CDCA7L: variants seen among roughly 807,000 people sequenced by gnomAD.
CDCA7L encodes the protein cell division cycle associated 7 like, also known as cell division cycle-associated 7-like protein.
In CDCA7L, 44 loss-of-function variants were observed where a neutral mutation model predicts 57.4. The ratio of observed to expected loss-of-function variants is 0.77; its 90% CI spans 0.60 to 0.98. The LOEUF (loss-of-function observed/expected upper bound fraction) is 0.98, where lower values mean the gene tolerates loss of function less well. CDCA7L is among the 50% of genes least tolerant of loss of function. The pLI, the probability that CDCA7L is intolerant of heterozygous loss-of-function variation, is 0.00. For synonymous variants in CDCA7L, 236 were observed against 202.8 expected, an observed-to-expected ratio of 1.16 and a Z score of -1.39; for missense variants, 644 against 580.6, an observed-to-expected ratio of 1.11 and a Z score of -1.12.
At position 21,916,850 on chromosome 7, in the gene CDCA7L, A is replaced by G. The variant is rs1785499111; in HGVS notation, c.69T>C (p.Asp23=). Residue 23 remains aspartate, a synonymous_variant, in exon 2 of 10, where the codon GAT becomes GAC. Coordinates refer to ENST00000406877, the MANE Select transcript of CDCA7L (RefSeq NM_018719.5). ...CATCTCGGAAGCCAACAAACTCTTCATCATCACTGGGGGCGTTAAAGATGT... is the reference window on the plus strand; with the variant it reads ...CATCTCGGAAGCCAACAAACTCTTCGTCATCACTGGGGGCGTTAAAGATGT... The part of the protein sequence containing the change: ...VADIFNAPSD[D]EEFVGFRDDV... 6.2e-7 allele frequency: 1 copy of G among 1,614,050 alleles called. No homozygotes were observed. Among genetic ancestry groups the G allele is most frequent in the African/African-American group, 1.3e-5 (1 of 75,020 alleles).
chr7:21,915,960 C>G (rs1375339665), intron 2 of CDCA7L, among the ~76,000 whole-genome samples: 1 of 152,078 alleles, frequency 6.6e-6, no homozygotes, highest in African/African-American at 2.4e-5. Flanking sequence ...ACGACAGAGA[C>G]CAGGGAGCCT....
At chr7:21,941,065 A>C (rs1027684433) in intron 1 of CDCA7L, among the ~76,000 whole-genome samples, 1 of 152,224 alleles carries the variant, frequency 6.6e-6, no homozygotes, top group African/African-American at 2.4e-5. Context: ...AATGTGTCAG[A>C]GGCTCCTAAC....
At chr7:21,945,536 G>C (rs902674573) in intron 1 of CDCA7L, among the ~76,000 whole-genome samples, 1 of 152,210 alleles carries the variant, frequency 6.6e-6, no homozygotes, top group East Asian at 1.9e-4. Flanking sequence ...AGACTGAGCA[G>C]AGCGCCAGGC....
chr7:21,924,200 T>C (rs1422360046), intron 1 of CDCA7L, among the ~76,000 whole-genome samples: 1 of 150,684 alleles, frequency 6.6e-6, no homozygotes, highest in African/African-American at 2.4e-5. Context: ...TTTATCAGTA[T>C]TAGTTTTTGA....
intron 2 of CDCA7L, among the ~76,000 whole-genome samples, chr7:21,912,316 G>A (rs117126208): frequency 6.2e-4 from 94 of 152,182 alleles, no homozygotes; most frequent in Non-Finnish European, 1.1e-3. Flanking sequence ...ATACGTACAC[G>A]TATATATTAC....
chr7:21,931,273 T>A (rs1322303147), intron 1 of CDCA7L, among the ~76,000 whole-genome samples: 2 of 152,116 alleles, frequency 1.3e-5, no homozygotes, highest in African/African-American at 4.8e-5. Flanking sequence ...CCTAACTCAT[T>A]TTATGAGACC....
In CDCA7L at chr7:21,915,635, TA is replaced by T. The variant is rs35601553; in HGVS notation, c.165+1118del. Among the ~76,000 whole-genome samples the T allele has an allele frequency of 1.8e-3, 155 of 88,306 alleles. 1 individual carries two copies. The highest frequency in any genetic ancestry group is 7.0e-3 in the Middle Eastern group (1 of 142). The allele number at this position is 88,306 out of a possible 152,430, so 57.9% of individuals were successfully genotyped here. A position where few individuals can be genotyped will look rare whatever the true frequency, so the allele number is the denominator to read the frequency against. On this transcript the variant is annotated intron_variant, in intron 2 of 9. Coordinates refer to ENST00000406877, the MANE Select transcript of CDCA7L (RefSeq NM_018719.5). Reference sequence around the variant, plus strand: ...CAATATGGCAAAACCCCATCACTACTAAAAAAAAAAAAAAAAAAAAAAAACA... The same window carrying T: ...CAATATGGCAAAACCCCATCACTACTAAAAAAAAAAAAAAAAAAAAAAACA...
chr7:21,907,258 G>T lies in CDCA7L; in HGVS notation c.682-619C>A, dbSNP rs144884308. Among the ~76,000 whole-genome samples, 5 of 152,286 alleles carry T rather than the reference G, an allele frequency of 3.3e-5. No homozygotes were observed. In the East Asian group the frequency reaches 9.6e-4, roughly 29 times the overall value. On this transcript the variant is annotated intron_variant, in intron 4 of 9. Transcript: ENST00000406877. ...AAAGAAAATAGCTTATTTTAAAGAT[G>T]CAGATGGATACAGTGCTGAAAATTT...
chr7:21,927,996 C>G lies in CDCA7L; in HGVS notation c.25-11102G>C, dbSNP rs149735983. Among the ~76,000 whole-genome samples, 63 of 152,282 alleles carry G rather than the reference C, an allele frequency of 4.1e-4. 2 individuals are homozygous for G. In the East Asian group the frequency reaches 0.012, roughly 29 times the overall value. On this transcript the variant is annotated intron_variant, in intron 1 of 9. Coordinates refer to ENST00000406877, the MANE Select transcript of CDCA7L (RefSeq NM_018719.5). Reference sequence around the variant, plus strand: ...ACAGACTTGCCTTCTCAAGTGGGTCCCTGACTCCATGCCTCCTGACTGGGA... The same window carrying G: ...ACAGACTTGCCTTCTCAAGTGGGTCGCTGACTCCATGCCTCCTGACTGGGA...
intron 1 of CDCA7L, among the ~76,000 whole-genome samples, chr7:21,930,147 C>G (rs948797623): frequency 6.6e-6 from 1 of 152,116 alleles, no homozygotes; most frequent in African/African-American, 2.4e-5. Context: ...CAAATTGGAA[C>G]TCAGGATGAA....
intron 1 of CDCA7L, among the ~76,000 whole-genome samples, chr7:21,935,735 G>T (rs774172085): frequency 1.3e-5 from 2 of 152,172 alleles, no homozygotes; most frequent in Non-Finnish European, 2.9e-5. Context: ...CTGGCCAGGC[G>T]CTGTGGCTCA....
In CDCA7L at chr7:21,919,909, T is replaced by C. The variant is rs117511654; in HGVS notation, c.25-3015A>G. Reference sequence around the variant, plus strand: ...TTTCCTTCAGCTAACCAGATGATCATTGTACATGGTTATGCAAAAATGTTT... The same window carrying C: ...TTTCCTTCAGCTAACCAGATGATCACTGTACATGGTTATGCAAAAATGTTT... On this transcript the variant is annotated intron_variant, in intron 1 of 9. Coordinates refer to ENST00000406877, the MANE Select transcript of CDCA7L (RefSeq NM_018719.5). Among the ~76,000 whole-genome samples the C allele has an allele frequency of 1.3e-3, 193 of 152,340 alleles. No homozygotes were observed. The East Asian group carries it at 0.031, about 24-fold the overall frequency.
chr7:21,924,580 C>G (rs1395882167), intron 1 of CDCA7L, among the ~76,000 whole-genome samples: 2 of 152,126 alleles, frequency 1.3e-5, no homozygotes, highest in Non-Finnish European at 2.9e-5. Flanking sequence ...AAAGTACATA[C>G]CATGCACCAA....
Position 21,902,014 on chromosome 7 carries a change from C to CTAACTT in CDCA7L, c.*302_*307dup. On this transcript the variant is annotated 3_prime_UTR_variant, in exon 10 of 10. Transcript: ENST00000406877. ...GAGCTGATCATACAATGTTTTCTCT[C>CTAACTT]TAACTTACTTACCTGAACTTTAACC... The CTAACTT allele has an allele frequency of 2.6e-6, 1 of 377,746 alleles. No homozygotes were observed. Among genetic ancestry groups the CTAACTT allele is most frequent in the Non-Finnish European group, 4.9e-6 (1 of 204,032 alleles). 23.4% of individuals were successfully genotyped at this position (377,746 alleles called of 1,614,324 possible).
intron 1 of CDCA7L, among the ~76,000 whole-genome samples, chr7:21,936,076 G>A (rs966251940): frequency 1.3e-5 from 2 of 152,038 alleles, no homozygotes; most frequent in Admixed American, 1.3e-4. Context: ...CAACAAATTG[G>A]ATTATCTAGA....
chr7:21,902,321 C>CTTAA lies in CDCA7L; in HGVS notation c.1362_1365dup, dbSNP rs758313825. On this transcript the variant is annotated 3_prime_UTR_variant, in exon 10 of 10. Transcript: ENST00000406877. ...GGTGGCTGGTTCTGTTTGTTTTCCT[C>CTTAA]TTAATTGTCTTCTACCAGCTCCTTT... 4 of 1,613,682 alleles carry CTTAA rather than the reference C, an allele frequency of 2.5e-6. No homozygotes were observed. The highest frequency in any genetic ancestry group is 4.5e-5 in the East Asian group (2 of 44,894).
intron 1 of CDCA7L, among the ~76,000 whole-genome samples, chr7:21,926,125 G>A (rs1785818162): frequency 6.6e-6 from 1 of 152,054 alleles, no homozygotes; most frequent in African/African-American, 2.4e-5. Context: ...CTTACTCAAA[G>A]GCATGTAGCT....
intron 3 of CDCA7L, among the ~76,000 whole-genome samples, chr7:21,909,974 G>C (rs528202525): frequency 2.6e-5 from 4 of 152,326 alleles, no homozygotes; most frequent in South Asian, 4.1e-4. Context: ...GTGGGCAGGA[G>C]GGTGGGCTGG....
intron 7 of CDCA7L, 114 bp from the exon 8 acceptor site, chr7:21,904,373 A>G: frequency 1.9e-6 from 2 of 1,073,190 alleles, no homozygotes. Flanking sequence ...GTCTCCTCGA[A>G]TCAAGCAGGA....
Sources: gnomAD v4.1 joint callset for allele counts (sites outside exome capture counted in the v4.1 genomes callset) on GRCh38, gnomAD v4.1.1 for gene constraint, MANE v1.5 for transcripts, NCBI Gene and HGNC (gene_info 2026-07-23, HGNC 2026-07-21) for gene names.